PCDHA5: variants seen among roughly 807,000 people sequenced by gnomAD.
PCDHA5 encodes the protein protocadherin alpha 5, also known as protocadherin alpha-5.
PCDHA5 carries 43 observed loss-of-function variants against 61.6 expected under a neutral mutation model. That is an observed-to-expected ratio of 0.70 (90% CI 0.55 to 0.90). The LOEUF (loss-of-function observed/expected upper bound fraction) is 0.90. PCDHA5 is among the 40% of genes least tolerant of loss of function. PCDHA5 has a pLI of 0.00. For missense variants in PCDHA5, 1,298 were observed against 1,222.7 expected (o/e 1.06, Z -0.92); for synonymous variants, 627 against 543.9 (o/e 1.15, Z -2.13).
At chr5:140,860,697 ATTG>A (rs1191589465) in intron 1 of PCDHA5, 2 of 152,170 alleles carry the variant, frequency 1.3e-5, no homozygotes, top group African/African-American at 4.8e-5. Context: ...GCGACAGGAT[ATTG>A]TTGTTCTCCA....
At position 140,850,252 on chromosome 5, in the gene PCDHA5, G is replaced by C. The variant is rs1377963742; in HGVS notation, c.2352+26125G>C. 3.1e-5 allele frequency: 49 copies of C among 1,593,714 alleles called. 1 individual carries two copies. The East Asian group carries it at 1.0e-3, about 34-fold the overall frequency. ...AGCGAGATGGTGCTGCGGTCGGTGGGCGCCGGCGTAGTGGTGGGGAAGGTG... is the reference window on the plus strand; with the variant it reads ...AGCGAGATGGTGCTGCGGTCGGTGGCCGCCGGCGTAGTGGTGGGGAAGGTG... On this transcript the variant is annotated intron_variant, in intron 1 of 3. Transcript: ENST00000529859.
chr5:140,926,170 C>G (rs558750358), intron 1 of PCDHA5, among the ~76,000 whole-genome samples: 1 of 151,736 alleles, frequency 6.6e-6, no homozygotes. Flanking sequence ...CAGGATCCAG[C>G]GCGGAAAGCC....
chr5:141,010,438 CAAAT>C lies in PCDHA5; in HGVS notation c.*505_*508del, dbSNP rs2098417279. On this transcript the variant is annotated 3_prime_UTR_variant, in exon 4 of 4. Transcript: ENST00000529859. ...TACAAGGAAGGCAAGAAAACAAAGA[CAAAT>C]AAACAGCGGAAGTTATCAGTATGGA... 2.0e-6 allele frequency: 2 copies of C among 998,926 alleles called. No homozygotes were observed. The highest frequency in any genetic ancestry group is 2.8e-6 in the Non-Finnish European group (2 of 704,790). The allele number at this position is 998,926 out of a possible 1,614,324, so 61.9% of individuals were successfully genotyped here.
At chr5:140,854,372 C>A in intron 1 of PCDHA5, 1 of 156,718 alleles carries the variant, frequency 6.4e-6, no homozygotes, top group South Asian at 2.0e-4. Context: ...TATTTTGATA[C>A]ATAACTCATT....
At chr5:140,829,554 C>A in intron 1 of PCDHA5, 7 of 1,612,816 alleles carry the variant, frequency 4.3e-6, no homozygotes, top group Non-Finnish European at 5.9e-6. Context: ...CAGGAGAACG[C>A]GCTGGTGTCC....
At chr5:140,959,549 A>G (rs1240469168) in intron 1 of PCDHA5, among the ~76,000 whole-genome samples, 1 of 152,248 alleles carries the variant, frequency 6.6e-6, no homozygotes, top group East Asian at 1.9e-4. Flanking sequence ...TGCTGTATAA[A>G]TAGAATCAGT....
intron 1 of PCDHA5, chr5:140,882,310 A>G (rs2059059274): frequency 6.2e-7 from 1 of 1,613,930 alleles, no homozygotes; most frequent in Non-Finnish European, 8.5e-7. Context: ...CGCGGCAACT[A>G]CTGCTCTGGC....
intron 1 of PCDHA5, chr5:140,843,672 A>G: frequency 6.3e-7 from 1 of 1,592,800 alleles, no homozygotes; most frequent in Non-Finnish European, 8.6e-7. Context: ...GGATCAGTTG[A>G]TGTAGGCGAA....
At chr5:140,885,453 C>T (rs1269332427) in intron 1 of PCDHA5, among the ~76,000 whole-genome samples, 3 of 152,100 alleles carry the variant, frequency 2.0e-5, no homozygotes, top group African/African-American at 7.2e-5. Flanking sequence ...ATATTATTTA[C>T]CTAATGATGG....
At chr5:140,998,247 T>C (rs2097802911) in intron 3 of PCDHA5, among the ~76,000 whole-genome samples, 1 of 152,216 alleles carries the variant, frequency 6.6e-6, no homozygotes, top group Non-Finnish European at 1.5e-5. Flanking sequence ...ATTATACTCA[T>C]TTTACTGCTA....
At chr5:140,928,304 AC>A (rs782506310) in intron 1 of PCDHA5, 98 of 1,613,908 alleles carry the variant, frequency 6.1e-5, no homozygotes, top group Non-Finnish European at 7.9e-5. Flanking sequence ...TTTGCCCAGG[AC>A]CCCGACCTGG....
chr5:140,904,742 T>G (rs1300439121), intron 1 of PCDHA5, among the ~76,000 whole-genome samples: 1 of 152,216 alleles, frequency 6.6e-6, no homozygotes, highest in African/African-American at 2.4e-5. Context: ...TTTTTTATTA[T>G]GACCATTTTT....
chr5:140,832,759 G>A (rs1485511269), intron 1 of PCDHA5, among the ~76,000 whole-genome samples: 1 of 152,158 alleles, frequency 6.6e-6, no homozygotes, highest in Non-Finnish European at 1.5e-5. Flanking sequence ...GTAAAAGCAA[G>A]AATATTGTAA....
rs148202782 is a variant in PCDHA5 at position 140,823,023 on chromosome 5, C to T, written c.1248C>T (p.Ser416=). 2.2e-5 allele frequency: 35 copies of T among 1,614,106 alleles called. No individual in the cohort carries two copies. The highest frequency in any genetic ancestry group is 4.0e-5 in the African/African-American group (3 of 74,950). ...LVLDSALDRE[S]VSVYELVVTA... is the part of the protein sequence containing the mutation. ...TGGACAGCGCCCTGGACCGCGAGAG[C>T]GTGTCGGTCTATGAGCTGGTGGTGA... is the stretch of plus-strand genomic sequence containing the variant. The change falls in exon 1 of 4, where the codon AGC becomes AGT. Residue 416 remains serine (S), a synonymous_variant. Coordinates refer to ENST00000529859, the MANE Select transcript of PCDHA5 (RefSeq NM_018908.3).
At chr5:140,902,677 G>A (rs1457054226) in intron 1 of PCDHA5, among the ~76,000 whole-genome samples, 6 of 151,960 alleles carry the variant, frequency 3.9e-5, no homozygotes, top group Non-Finnish European at 5.9e-5. Flanking sequence ...AGTGTACACC[G>A]TACCTAATAT....
chr5:140,876,176 TG>T (rs1554168338), intron 1 of PCDHA5: 2 of 1,613,930 alleles, frequency 1.2e-6, no homozygotes, highest in Non-Finnish European at 1.7e-6. Context: ...GTCCTGGATG[TG>T]AATGACAATG....
At chr5:140,836,549 G>C (rs2150263747) in intron 1 of PCDHA5, 1 of 1,613,770 alleles carries the variant, frequency 6.2e-7, no homozygotes, top group East Asian at 2.2e-5. Flanking sequence ...CGGCGTTGCG[G>C]TGCTCAGCGC....
intron 1 of PCDHA5, chr5:140,884,726 T>A: frequency 6.9e-7 from 1 of 1,455,756 alleles, no homozygotes; most frequent in Non-Finnish European, 9.1e-7. Flanking sequence ...GTTGTTTGTT[T>A]AAGACATCTT....
At chr5:140,960,179 G>A (rs1379423809) in intron 1 of PCDHA5, among the ~76,000 whole-genome samples, 1 of 152,106 alleles carries the variant, frequency 6.6e-6, no homozygotes, top group Non-Finnish European at 1.5e-5. Flanking sequence ...TAAGTTAGGG[G>A]TTGCATGTGT....
Sources: gnomAD v4.1 joint callset for allele counts (sites outside exome capture counted in the v4.1 genomes callset) on GRCh38, gnomAD v4.1.1 for gene constraint, MANE v1.5 for transcripts, NCBI Gene and HGNC (gene_info 2026-07-23, HGNC 2026-07-21) for gene names.